The following UBAP1 variants were observed in gnomAD, a reference collection of about 807,000 sequenced individuals.
UBAP1 encodes the protein ubiquitin-associated protein 1.
UBAP1 carries 5 observed loss-of-function variants against 39.0 expected under a neutral mutation model. The observed-to-expected ratio is 0.13, with a 90% confidence interval of 0.07 to 0.27. The LOEUF is 0.27. Among genes scored for constraint, UBAP1 ranks in the 10% least tolerant of loss-of-function variants. The pLI, the probability that UBAP1 is intolerant of heterozygous loss-of-function variation, is 1.00. For missense variants in UBAP1, 490 were observed against 608.1 expected (o/e 0.81, Z 2.04); for synonymous variants, 211 against 225.1 (o/e 0.94, Z 0.56).
intron 1 of UBAP1, among the ~76,000 whole-genome samples, chr9:34,183,154 A>G (rs1483299640): frequency 6.6e-6 from 1 of 152,114 alleles, no homozygotes; most frequent in East Asian, 1.9e-4. Flanking sequence ...CTTTTTTCCT[A>G]CAGATTCATT....
rs1038353804 is a variant in UBAP1, at chr9:34,181,818, T to G, written c.-8+2578T>G. On this transcript the variant is annotated intron_variant, in intron 1 of 6. Coordinates refer to ENST00000297661, the MANE Select transcript of UBAP1 (RefSeq NM_016525.5). ...TTCTTCAGTTTCTTTCGTTTAGTAT[T>G]TAAGACTGATTTCCTAATCATGGCA... Among the ~76,000 whole-genome samples the G allele has an allele frequency of 5.3e-5, 8 of 150,388 alleles. No homozygotes were observed. The South Asian group carries it at 1.0e-3, about 20-fold the overall frequency.
At position 34,233,856 on chromosome 9, in the gene UBAP1, G is replaced by T. The variant is rs146756306; in HGVS notation, c.35-360G>T. ...AGTGTTCCAGTTAGAAGGAACAGTT[G>T]GTACAGAGTATTTGAGGTGGATTAA... On this transcript the variant is annotated intron_variant, in intron 2 of 6. Coordinates refer to ENST00000297661, the MANE Select transcript of UBAP1 (RefSeq NM_016525.5). 1.8e-4 allele frequency among the ~76,000 whole-genome samples: 26 copies of T among 146,302 alleles called. No homozygotes were observed. The East Asian group carries it at 5.0e-3, about 28-fold the overall frequency.
intron 3 of UBAP1, among the ~76,000 whole-genome samples, chr9:34,234,649 A>G (rs566828024): frequency 1.3e-5 from 2 of 152,176 alleles, no homozygotes; most frequent in South Asian, 4.2e-4. Context: ...ATATATATAT[A>G]TATATTCCTA....
intron 1 of UBAP1, among the ~76,000 whole-genome samples, chr9:34,182,773 C>G (rs377142721): frequency 6.6e-6 from 1 of 151,018 alleles, no homozygotes; most frequent in Admixed American, 6.6e-5. Flanking sequence ...TACAGTGGCT[C>G]GATCTCTGCT....
intron 1 of UBAP1, among the ~76,000 whole-genome samples, chr9:34,192,325 A>T (rs1830773353): frequency 6.6e-6 from 1 of 151,490 alleles, no homozygotes; most frequent in Non-Finnish European, 1.5e-5. Flanking sequence ...GACCAGCCTG[A>T]CCAACATGGT....
chr9:34,217,135 C>T (rs1477132097), intron 1 of UBAP1, among the ~76,000 whole-genome samples: 1 of 152,120 alleles, frequency 6.6e-6, no homozygotes, highest in African/African-American at 2.4e-5. Flanking sequence ...CTGTGATTCT[C>T]CACAGTCAGA....
At chr9:34,209,700 C>G (rs1831910209) in intron 1 of UBAP1, among the ~76,000 whole-genome samples, 1 of 61,596 alleles carries the variant, frequency 1.6e-5, no homozygotes, top group African/African-American at 4.5e-5. Flanking sequence ...CATTAGTTAC[C>G]TATTTTTTTT....
chr9:34,193,392 A>G (rs1172927443), intron 1 of UBAP1, among the ~76,000 whole-genome samples: 3 of 152,232 alleles, frequency 2.0e-5, no homozygotes, highest in Middle Eastern at 3.4e-3. Context: ...CACCACAACA[A>G]TCATCAACAC....
chr9:34,202,716 AGCCCCAATAACT>A (rs1831470124), intron 1 of UBAP1, among the ~76,000 whole-genome samples: 1 of 144,292 alleles, frequency 6.9e-6, no homozygotes, highest in Non-Finnish European at 1.5e-5. Flanking sequence ...AACACCATAC[AGCCCCAATAACT>A]GTCAATCTTG....
rs553008271 is a variant in UBAP1, at chr9:34,216,983, C to T, written c.-7-3925C>T. 1.1e-4 allele frequency among the ~76,000 whole-genome samples: 16 copies of T among 152,182 alleles called. 1 individual carries two copies. Among genetic ancestry groups the T allele is most frequent in the African/African-American group, 2.4e-4 (10 of 41,526 alleles). On this transcript the variant is annotated intron_variant, in intron 1 of 6. Transcript: ENST00000297661. ...CTTCCTATGTGATGGTAACTTTAAT[C>T]ATTCATCAACTTCTCCCCATCCCAC...
At position 34,238,935 on chromosome 9, in the gene UBAP1, G is replaced by A. The variant is rs529269214; in HGVS notation, c.160-2250G>A. ...TGGTCAGTCTGAAGCACCAATAAAA[G>A]CATGGTATGTGCTCACTGTGCTCAT... is the stretch of plus-strand genomic sequence containing the variant. On this transcript the variant is annotated intron_variant, in intron 3 of 6. Coordinates refer to ENST00000297661, the MANE Select transcript of UBAP1 (RefSeq NM_016525.5). Among the ~76,000 whole-genome samples the A allele has an allele frequency of 6.6e-5, 10 of 152,344 alleles. 1 individual carries two copies. The highest frequency in any genetic ancestry group is 2.4e-4 in the African/African-American group (10 of 41,586).
chr9:34,195,742 CAT>C (rs999506982), intron 1 of UBAP1, among the ~76,000 whole-genome samples: 22 of 97,854 alleles, frequency 2.2e-4, no homozygotes, highest in African/African-American at 6.4e-4. Context: ...GGATTACAGA[CAT>C]GTGCCACTAT....
intron 1 of UBAP1, among the ~76,000 whole-genome samples, chr9:34,206,879 T>C (rs1343306234): frequency 6.6e-6 from 1 of 152,106 alleles, no homozygotes; most frequent in Admixed American, 6.6e-5. Context: ...CAAATGTTTA[T>C]ATTTTGGGTA....
intron 1 of UBAP1, among the ~76,000 whole-genome samples, chr9:34,200,600 T>G (rs916032316): frequency 4.6e-5 from 7 of 152,238 alleles, no homozygotes; most frequent in African/African-American, 1.4e-4. Context: ...TTTCATTGTA[T>G]GATGTTTAAC....
intron 1 of UBAP1, among the ~76,000 whole-genome samples, chr9:34,216,642 ATTTTTTTTT>A (rs57204146): frequency 2.4e-3 from 166 of 70,208 alleles, no homozygotes; most frequent in Non-Finnish European, 3.4e-3. Context: ...CACCATGCTA[ATTTTTTTTT>A]TTTTTTTTTT....
chr9:34,182,675 C>A (rs1315834920), intron 1 of UBAP1, among the ~76,000 whole-genome samples: 1 of 71,718 alleles, frequency 1.4e-5, no homozygotes, highest in African/African-American at 4.3e-5. Context: ...TTCTTTCTTT[C>A]TTTCTTTCTC....
chr9:34,184,053 A>C lies in UBAP1; in HGVS notation c.-8+4813A>C, dbSNP rs139313985. 7.9e-5 allele frequency among the ~76,000 whole-genome samples: 12 copies of C among 152,068 alleles called. No homozygotes were observed. In the East Asian group the frequency reaches 2.3e-3, roughly 30 times the overall value. On this transcript the variant is annotated intron_variant, in intron 1 of 6. Coordinates refer to ENST00000297661, the MANE Select transcript of UBAP1 (RefSeq NM_016525.5). The stretch of plus-strand genomic sequence containing the variant: ...CCAAAGTGCTGGGATTACAGGTGTG[A>C]GATAGCGCTCCCGGCCCAGAATTTC...
rs530648286 is a variant in UBAP1, at chr9:34,242,187, T to C, written c.1083+79T>C. 1.1e-5 allele frequency: 16 copies of C among 1,432,076 alleles called. No homozygotes were observed. In the East Asian group the frequency reaches 3.0e-4, roughly 27 times the overall value. The allele number at this position is 1,432,076 out of a possible 1,614,324, so 88.7% of individuals were successfully genotyped here. On this transcript the variant is annotated intron_variant, in intron 4 of 6. Transcript: ENST00000297661. ...ATGTTTTTTCTTGTTGTTTGGTTGA[T>C]TTTTTTCGAGACAGGGTCTCATTCT...
rs6150983 is a variant in UBAP1 at position 34,231,127 on chromosome 9, ATGTGTGTGTGTGTGTGTGTGTGTGTGTG to A, written c.35-3067_35-3040del. ...GGGCAAATGTCTCTTTAAAAAAATT[ATGTGTGTGTGTGTGTGTGTGTGTGTGTG>A]TGTGTGTGTGTGTGTGTGTGTTGGG... On this transcript the variant is annotated intron_variant, in intron 2 of 6. Coordinates refer to ENST00000297661, the MANE Select transcript of UBAP1 (RefSeq NM_016525.5). Among the ~76,000 whole-genome samples the A allele has an allele frequency of 1.1e-4, 15 of 137,122 alleles. No individual in the cohort carries two copies. The South Asian group carries it at 1.9e-3, about 17-fold the overall frequency. 90.0% of individuals were successfully genotyped at this position (137,122 alleles called of 152,430 possible). A position where few individuals can be genotyped will look rare whatever the true frequency, so the allele number is the denominator to read the frequency against.
Sources: allele counts gnomAD v4.1 joint callset (sites outside exome capture counted in the v4.1 genomes callset), GRCh38; gene constraint gnomAD v4.1.1; transcripts MANE v1.5; gene names NCBI Gene and HGNC (gene_info 2026-07-23, HGNC 2026-07-21).